The following CEP85L variants were observed in gnomAD, a reference collection of about 807,000 sequenced individuals.
The protein encoded by CEP85L is centrosomal protein of 85 kDa-like.
In CEP85L, 60 loss-of-function variants were observed where a neutral mutation model predicts 100.3. The ratio of observed to expected loss-of-function variants is 0.60; its 90% CI spans 0.49 to 0.74. CEP85L has a LOEUF of 0.74. Ranked by LOEUF, CEP85L falls within the 30% of genes least tolerant of loss-of-function variation. The pLI is 0.00. For missense variants in CEP85L, 973 were observed against 936.2 expected (o/e 1.04, Z -0.51); for synonymous variants, 319 against 322.7 (o/e 0.99, Z 0.12).
intron 10 of CEP85L, among the ~76,000 whole-genome samples, chr6:118,479,636 T>G (rs1257714720): frequency 1.3e-5 from 2 of 152,132 alleles, no homozygotes; most frequent in African/African-American, 4.8e-5. Flanking sequence ...CTCACCCCAC[T>G]AGAGTGGCCA....
intron 1 of CEP85L, among the ~76,000 whole-genome samples, chr6:118,673,414 G>T (rs1776379936): frequency 6.6e-6 from 1 of 152,208 alleles, no homozygotes; most frequent in Non-Finnish European, 1.5e-5. Flanking sequence ...ATATAGGGAA[G>T]TCAGAGAGGG....
At chr6:118,707,980 AC>A (rs1777654155) in intron 1 of CEP85L, among the ~76,000 whole-genome samples, 2 of 18,724 alleles carry the variant, frequency 1.1e-4, no homozygotes, top group Non-Finnish European at 2.0e-4. Context: ...TGGGGGGGGG[AC>A]GGGGGGGAAA....
chr6:118,469,214 C>T lies in CEP85L; in HGVS notation c.2112G>A (p.Arg704=). The change falls in exon 12 of 13, where the codon CGG becomes CGA. Residue 704 remains arginine, a synonymous_variant. Transcript: ENST00000368491. ...CAATCACAGTCAAATCAAATAGTGG[C>T]CGTTTGGAAAGAACTGTCTGCTGCC... ...QSRQQTVLSK[R]PLFDLTVIDQ... The T allele has an allele frequency of 6.2e-7, 1 of 1,614,044 alleles. No homozygotes were observed. Among genetic ancestry groups the T allele is most frequent in the Non-Finnish European group, 8.5e-7 (1 of 1,179,938 alleles).
intron 2 of CEP85L, among the ~76,000 whole-genome samples, chr6:118,619,776 T>C (rs1418319646): frequency 3.3e-5 from 5 of 152,210 alleles, no homozygotes. Flanking sequence ...AGTCCTTTGA[T>C]CTAGCATGGA....
intron 2 of CEP85L, among the ~76,000 whole-genome samples, chr6:118,630,885 C>T (rs1487155352): frequency 1.3e-5 from 2 of 152,180 alleles, no homozygotes; most frequent in Non-Finnish European, 2.9e-5. Flanking sequence ...ACCCACTGCA[C>T]ATGCAAGGGA....
rs116969335 is a variant in CEP85L at position 118,509,539 on chromosome 6, G to A, written c.1257+1759C>T. 9.2e-5 allele frequency among the ~76,000 whole-genome samples: 14 copies of A among 152,062 alleles called. No individual in the cohort carries two copies. In the East Asian group the frequency reaches 2.7e-3, roughly 29 times the overall value. On this transcript the variant is annotated intron_variant, in intron 5 of 12. Transcript: ENST00000368491. ...TGGAGTCTCTATGTTAAATGCCTCT[G>A]GCCTCAAGAAAATCTGATAGTTATT...
intron 2 of CEP85L, among the ~76,000 whole-genome samples, chr6:118,600,341 G>GTGTGTGTGTGTGTGTGTGTGTT (rs1781705892): frequency 3.7e-5 from 5 of 134,244 alleles, no homozygotes; most frequent in African/African-American, 1.4e-4. Flanking sequence ...GTGTGTGTGT[G>GTGTGTGTGTGTGTGTGTGTGTT]TGTGTGTGTG....
At chr6:118,512,974 A>C (rs778286935) in intron 4 of CEP85L, among the ~76,000 whole-genome samples, 1 of 152,244 alleles carries the variant, frequency 6.6e-6, no homozygotes, top group African/African-American at 2.4e-5. Context: ...ATAGTAAATC[A>C]GTTATTATAA....
At chr6:118,651,766 G>A, upstream of CEP85L, 1 of 986,532 alleles carries the variant, frequency 1.0e-6, no homozygotes. Flanking sequence ...CGGCGACTGG[G>A]CTGTCCCGCC....
At chr6:118,515,958 T>C (rs1348850001) in intron 4 of CEP85L, among the ~76,000 whole-genome samples, 1 of 152,172 alleles carries the variant, frequency 6.6e-6, no homozygotes, top group African/African-American at 2.4e-5. Context: ...GTCAGTGTGT[T>C]CTCATTGTTC....
At chr6:118,466,771 T>C (rs1772553476) in intron 12 of CEP85L, among the ~76,000 whole-genome samples, 1 of 152,118 alleles carries the variant, frequency 6.6e-6, no homozygotes, top group Non-Finnish European at 1.5e-5. Context: ...GTTCATAGTT[T>C]AGACAGATCT....
chr6:118,537,931 A>T, intron 3 of CEP85L: 3 of 979,934 alleles, frequency 3.1e-6, no homozygotes, highest in Non-Finnish European at 3.6e-6. Flanking sequence ...GTTTTCTGGT[A>T]AGAGTCATAC....
chr6:118,498,508 C>G (rs1026444936), intron 5 of CEP85L, among the ~76,000 whole-genome samples: 27 of 151,152 alleles, frequency 1.8e-4, no homozygotes, highest in Non-Finnish European at 1.8e-4. Flanking sequence ...ATGGACAAAT[C>G]TAGCAGCTTG....
intron 4 of CEP85L, 128 bp downstream of exon 4, chr6:118,523,674 G>C (rs942195815): frequency 3.5e-5 from 17 of 483,974 alleles, no homozygotes; most frequent in Admixed American, 1.1e-4. Flanking sequence ...AGGAGGGGCA[G>C]AGATGTGACA....
At chr6:118,538,330 C>T (rs1020620685) in intron 3 of CEP85L, among the ~76,000 whole-genome samples, 4 of 151,544 alleles carry the variant, frequency 2.6e-5, no homozygotes, top group Non-Finnish European at 4.4e-5. Flanking sequence ...ACTGAAATAA[C>T]AATTCAAGTA....
At chr6:118,536,021 T>C (rs1777569459) in intron 3 of CEP85L, among the ~76,000 whole-genome samples, 1 of 152,144 alleles carries the variant, frequency 6.6e-6, no homozygotes, top group South Asian at 2.1e-4. Context: ...TCTAAAATTG[T>C]AGGTAAATGT....
chr6:118,460,922 C>G lies in CEP85L; in HGVS notation c.*4483G>C, dbSNP rs1257752450. 6.6e-6 allele frequency: 1 copy of G among 151,652 alleles called. No individual in the cohort carries two copies. Among genetic ancestry groups the G allele is most frequent in the Non-Finnish European group, 1.5e-5 (1 of 67,930 alleles). 9.4% of individuals were successfully genotyped at this position (151,652 alleles called of 1,614,324 possible). ...GCATTCAAAATTCTAGCTGTAAACC[C>G]TATTAAAAAACAGAACAACAAGAAG... On this transcript the variant is annotated 3_prime_UTR_variant, in exon 13 of 13. Transcript: ENST00000368491.
At chr6:118,635,092 T>C (rs73766588) in intron 1 of CEP85L, among the ~76,000 whole-genome samples, 4,115 of 152,270 alleles carry the variant, frequency 0.027, 189 homozygotes, top group African/African-American at 0.093. Flanking sequence ...AACTGGAAAG[T>C]GGTATCTAAA....
intron 3 of CEP85L, among the ~76,000 whole-genome samples, chr6:118,558,364 C>A (rs1778999868): frequency 1.3e-5 from 2 of 151,908 alleles, no homozygotes; most frequent in Admixed American, 6.6e-5. Context: ...GTTTTTGTGA[C>A]CAGAAATATG....
Sources: gnomAD v4.1 joint callset for allele counts (sites outside exome capture counted in the v4.1 genomes callset) on GRCh38, gnomAD v4.1.1 for gene constraint, MANE v1.5 for transcripts, NCBI Gene and HGNC (gene_info 2026-07-23, HGNC 2026-07-21) for gene names.